SPIC: variants seen among roughly 807,000 people sequenced by gnomAD.
The protein encoded by SPIC is transcription factor Spi-C.
A neutral mutation model predicts 16.7 loss-of-function variants in SPIC; 9 were observed. The observed-to-expected ratio is 0.54, with a 90% CI of 0.33 to 0.94. The LOEUF (loss-of-function observed/expected upper bound fraction) is 0.94, where lower values mean the gene tolerates loss of function less well. Ranked by LOEUF, SPIC falls within the 40% of genes least tolerant of loss-of-function variation. The pLI is 0.03. For missense variants in SPIC, 241 were observed against 285.8 expected (o/e 0.84, Z 1.13); for synonymous variants, 97 against 102.9 (o/e 0.94, Z 0.35).
intron 3 of SPIC, 103 bp downstream of exon 3, chr12:101,477,754 C>T: frequency 2.0e-6 from 2 of 1,023,840 alleles, no homozygotes; most frequent in Admixed American, 2.0e-5. Context: ...CTGTGGCTCA[C>T]ATCTGTAATC....
chr12:101,476,854 T>C lies in SPIC; in HGVS notation c.-51T>C. 7.8e-7 allele frequency: 1 copy of C among 1,286,906 alleles called. No homozygotes were observed. The highest frequency in any genetic ancestry group is 2.6e-5 in the East Asian group (1 of 38,430). 79.7% of individuals were successfully genotyped at this position (1,286,906 alleles called of 1,614,324 possible). ...ATTGTCAACTTATTTTATTTTATTT[T>C]CTTCAAGCAACAATTGCTAAGGAAC... is the stretch of plus-strand genomic sequence containing the variant. On this transcript the variant is annotated 5_prime_UTR_variant, in exon 2 of 6. Transcript: ENST00000551346.
chr12:101,481,368 T>A (rs2121255529), intron 4 of SPIC, among the ~76,000 whole-genome samples: 1 of 152,120 alleles, frequency 6.6e-6, no homozygotes, highest in Non-Finnish European at 1.5e-5. Context: ...TAAATATAAA[T>A]TTTTTTGTTC....
chr12:101,486,708 C>A lies in SPIC; in HGVS notation c.684C>A (p.Asn228Lys). 2.5e-6 allele frequency: 4 copies of A among 1,606,146 alleles called. No homozygotes were observed. Among genetic ancestry groups the A allele is most frequent in the Non-Finnish European group, 3.4e-6 (4 of 1,175,024 alleles). Residue 228 changes from asparagine (N) to lysine (K), a missense_variant, in exon 6 of 6, where the codon AAC (asparagine) becomes AAA (lysine). Asn to Lys is a moderately conservative substitution (Grantham distance 94). Transcript: ENST00000551346. ...ATCAAGAATATCTCAGTTTAAATAA[C>A]TGGAATGCAAATTATAATTATACAT... ...QPDQEYLSLN[N>K]WNANYNYTYA...
rs774315374 is a variant in SPIC, at chr12:101,479,639, G to A, written c.155G>A (p.Ser52Asn). ...NHRPHVKGNS[S>N]CYGVLPTEEP... Reference sequence around the variant, plus strand: ...CGTCCTCATGTCAAAGGAAATTCCAGCTGCTATGGAGTGTTGCCTACAGAG... The same window carrying A: ...CGTCCTCATGTCAAAGGAAATTCCAACTGCTATGGAGTGTTGCCTACAGAG... Residue 52 changes from serine (S) to asparagine (N), a missense_variant, in exon 4 of 6, where the codon AGC becomes AAC. By Grantham distance (46) the Ser-to-Asn change is conservative. Transcript: ENST00000551346. The A allele has an allele frequency of 6.2e-7, 1 of 1,613,674 alleles. No homozygotes were observed. Among genetic ancestry groups the A allele is most frequent in the South Asian group, 1.1e-5 (1 of 91,074 alleles).
chr12:101,477,699 G>T (rs201331322), intron 3 of SPIC, 48 bp downstream of exon 3: 8 of 1,474,384 alleles, frequency 5.4e-6, no homozygotes, highest in Non-Finnish European at 7.6e-6. Context: ...CAAATGGCTT[G>T]TTGGTCACAT....
rs766998133 is a variant in SPIC, at chr12:101,476,888, C to G, written c.-17C>G. On this transcript the variant is annotated 5_prime_UTR_variant, in exon 2 of 6. Coordinates refer to ENST00000551346, the MANE Select transcript of SPIC (RefSeq NM_152323.3). ...AACAATTGCTAAGGAACAGAATTGT[C>G]AATTTATTAATGAAATATGGTAAGC... The G allele has an allele frequency of 7.0e-7, 1 of 1,429,766 alleles. No individual in the cohort carries two copies. Among genetic ancestry groups the G allele is most frequent in the Non-Finnish European group, 9.4e-7 (1 of 1,069,370 alleles). 88.6% of individuals were successfully genotyped at this position (1,429,766 alleles called of 1,614,324 possible). A position where few individuals can be genotyped will look rare whatever the true frequency, so the allele number is the denominator to read the frequency against.
intron 2 of SPIC, 113 bp from the exon 3 acceptor site, chr12:101,477,445 C>T (rs1565830358): frequency 1.0e-6 from 1 of 954,000 alleles, no homozygotes; most frequent in Admixed American, 1.9e-5. Context: ...CACCAAATGC[C>T]CATAGTGTCA....
intron 1 of SPIC, among the ~76,000 whole-genome samples, chr12:101,476,199 G>A (rs1339193574): frequency 3.9e-5 from 6 of 152,262 alleles, no homozygotes; most frequent in African/African-American, 9.6e-5. Context: ...TCTATAGAAC[G>A]TAGAGTTAAA....
At chr12:101,479,280 AAGAAAAAG>A (rs1246385867) in intron 3 of SPIC, among the ~76,000 whole-genome samples, 3 of 66,946 alleles carry the variant, frequency 4.5e-5, no homozygotes, top group Non-Finnish European at 8.6e-5. Flanking sequence ...GAAAGAAAGA[AAGAAAAAG>A]AAAGAAAGAA....
intron 3 of SPIC, among the ~76,000 whole-genome samples, chr12:101,478,026 C>T (rs1430923381): frequency 2.0e-5 from 3 of 148,942 alleles, no homozygotes; most frequent in Non-Finnish European, 3.0e-5. Flanking sequence ...TTTCTTTTTT[C>T]TTTTTTCTTT....
Position 101,482,903 on chromosome 12 carries a change from A to ACGTT in SPIC, c.319+4_319+7dup. On this transcript the variant is annotated splice_donor_region_variant and intron_variant, in intron 5 of 5. Transcript: ENST00000551346. The stretch of plus-strand genomic sequence containing the variant: ...TCTCCAGCAAAAGGGGGGAAAAGGT[A>ACGTT]CGTTGATCCATCATTCGTTATACAG... The ACGTT allele has an allele frequency of 6.2e-7, 1 of 1,612,316 alleles. No individual in the cohort carries two copies. The highest frequency in any genetic ancestry group is 1.1e-5 in the South Asian group (1 of 90,970).
chr12:101,482,258 T>TG (rs1328019949), intron 4 of SPIC, among the ~76,000 whole-genome samples: 1 of 146,716 alleles, frequency 6.8e-6, no homozygotes, highest in African/African-American at 2.5e-5. Flanking sequence ...ATTGTAGAGG[T>TG]GGGGTCTCTC....
At chr12:101,483,180 A>G (rs758517542) in intron 5 of SPIC, among the ~76,000 whole-genome samples, 5 of 150,698 alleles carry the variant, frequency 3.3e-5, no homozygotes, top group Non-Finnish European at 5.9e-5. Flanking sequence ...TGCTGGGATT[A>G]CAGGTGTGAG....
intron 2 of SPIC, 149 bp downstream of exon 2, chr12:101,477,056 C>T: frequency 2.2e-6 from 1 of 446,120 alleles, no homozygotes; most frequent in African/African-American, 2.0e-5. Flanking sequence ...GTTTGCAAAG[C>T]AATTCAATTT....
In SPIC at chr12:101,486,561, T is replaced by TG. The variant is rs760348399; in HGVS notation, c.541dup (p.Glu181GlyfsTer15). On this transcript the variant is annotated frameshift_variant, in exon 6 of 6. Transcript: ENST00000551346. LOFTEE classifies it low-confidence loss of function (END_TRUNC). ...GGGCACTCAGAAATTACGGAAGAAG[T>TG]GGGGAAATTACCAAAATCCGGAGGA... 3.7e-6 allele frequency: 6 copies of TG among 1,614,066 alleles called. No homozygotes were observed. Among genetic ancestry groups the TG allele is most frequent in the Non-Finnish European group, 5.1e-6 (6 of 1,180,012 alleles).
chr12:101,478,524 C>A (rs1292764046), intron 3 of SPIC, among the ~76,000 whole-genome samples: 2 of 152,094 alleles, frequency 1.3e-5, no homozygotes, highest in Non-Finnish European at 2.9e-5. Flanking sequence ...TAAAGTCTCA[C>A]ATATAAAAAT....
chr12:101,480,221 T>A (rs1306918361), intron 4 of SPIC, among the ~76,000 whole-genome samples: 1 of 152,234 alleles, frequency 6.6e-6, no homozygotes, highest in East Asian at 1.9e-4. Flanking sequence ...TGCTCTCTAC[T>A]TAGCCTCAGA....
At chr12:101,486,062 A>G (rs149010762) in intron 5 of SPIC, among the ~76,000 whole-genome samples, 2 of 152,308 alleles carry the variant, frequency 1.3e-5, no homozygotes, top group East Asian at 3.8e-4. Context: ...CGGCCTCCCA[A>G]AGTGCTGGGA....
At chr12:101,478,296 G>A (rs576871541) in intron 3 of SPIC, among the ~76,000 whole-genome samples, 1 of 151,994 alleles carries the variant, frequency 6.6e-6, no homozygotes, top group East Asian at 1.9e-4. Flanking sequence ...CTCCCAAAGC[G>A]CTGGGATTAC....
Sources: gnomAD v4.1 joint callset for allele counts (sites outside exome capture counted in the v4.1 genomes callset) on GRCh38, gnomAD v4.1.1 for gene constraint, MANE v1.5 for transcripts, NCBI Gene and HGNC (gene_info 2026-07-23, HGNC 2026-07-21) for gene names.